The following PCDHGA1 variants were observed in gnomAD, a reference collection of about 807,000 sequenced individuals.
PCDHGA1 encodes the protein protocadherin gamma subfamily A, 1, also known as protocadherin gamma-A1.
PCDHGA1 carries 32 observed loss-of-function variants against 58.0 expected under a neutral mutation model. That is an observed-to-expected ratio of 0.55 (90% CI 0.42 to 0.74). The LOEUF (loss-of-function observed/expected upper bound fraction) is 0.74. PCDHGA1 is among the 30% of genes least tolerant of loss of function. The probability of loss-of-function intolerance (pLI) is 0.00; values close to 1 mark genes in which losing one functional copy is unlikely to be tolerated. For synonymous variants in PCDHGA1, 498 were observed against 501.1 expected, an observed-to-expected ratio of 0.99 and a Z score of 0.08; for missense variants, 1,205 against 1,182.3, an observed-to-expected ratio of 1.02 and a Z score of -0.28.
At chr5:141,352,354 C>T in intron 1 of PCDHGA1, 1 of 1,614,078 alleles carries the variant, frequency 6.2e-7, no homozygotes, top group Non-Finnish European at 8.5e-7. Flanking sequence ...TCTCAGTGCT[C>T]TTTCTCCTCG....
Position 141,332,168 on chromosome 5 carries a change from C to G in PCDHGA1, c.1484C>G (p.Thr495Ser). The change falls in exon 1 of 4, where the codon ACT becomes AGT. Residue 495 changes from threonine (T) to serine (S), a missense_variant. Thr to Ser is a moderately conservative substitution (Grantham distance 58, BLOSUM62 1). Transcript: ENST00000517417. The surrounding 1 kb of genome is among the most constrained non-coding windows in gnomAD (Gnocchi z 4.6). ...AQITYSLIEDTIQGAPLSAYL... is the reference protein window; with the variant it reads ...AQITYSLIEDSIQGAPLSAYL... ...ATCACTTACTCCCTAATAGAGGACA[C>G]TATCCAGGGGGCACCCCTATCTGCC... 6.2e-7 allele frequency: 1 copy of G among 1,614,230 alleles called. No individual in the cohort carries two copies. The highest frequency in any genetic ancestry group is 2.2e-5 in the East Asian group (1 of 44,880).
In PCDHGA1 at chr5:141,339,120, A is replaced by G. The variant is rs1321405080; in HGVS notation, c.2421+6015A>G. Reference sequence around the variant, plus strand: ...GGCTCCTTCGTAGGCAACATCGCCAAGGACTTGGGTTTGGAGCCCCTGGCA... The same window carrying G: ...GGCTCCTTCGTAGGCAACATCGCCAGGGACTTGGGTTTGGAGCCCCTGGCA... On this transcript the variant is annotated intron_variant, in intron 1 of 3. Transcript: ENST00000517417. 1 of 1,614,246 alleles carries G rather than the reference A, an allele frequency of 6.2e-7. No homozygotes were observed.
intron 1 of PCDHGA1, among the ~76,000 whole-genome samples, chr5:141,347,066 CCTTCCT>C (rs1561493179): frequency 1.3e-5 from 2 of 149,860 alleles, no homozygotes; most frequent in African/African-American, 4.9e-5. Flanking sequence ...TTCCTTCCTT[CCTTCCT>C]CTCTCTCTTT....
chr5:141,487,533 T>C lies in PCDHGA1; in HGVS notation c.2422-7274T>C. On this transcript the variant is annotated intron_variant, in intron 1 of 3. Coordinates refer to ENST00000517417, the MANE Select transcript of PCDHGA1 (RefSeq NM_018912.3). This position sits in a 1 kb window ranked among gnomAD's most constrained non-coding sequence, Gnocchi z 5.0. The stretch of plus-strand genomic sequence containing the variant: ...CCCACTCGGAGTGATAGCTTCATGA[T>C]GGTGAAGTCACCCAGTGCACCTATG... 6.2e-7 allele frequency: 1 copy of C among 1,614,186 alleles called. No individual in the cohort carries two copies. Among genetic ancestry groups the C allele is most frequent in the South Asian group, 1.1e-5 (1 of 91,080 alleles).
chr5:141,506,061 G>A (rs1260513343), intron 3 of PCDHGA1, among the ~76,000 whole-genome samples: 2 of 152,144 alleles, frequency 1.3e-5, no homozygotes, highest in Non-Finnish European at 2.9e-5. Flanking sequence ...GGTTGACTAA[G>A]GGCTTCCTTT....
chr5:141,430,750 G>A (rs746434313), intron 1 of PCDHGA1: 2 of 1,500,586 alleles, frequency 1.3e-6, no homozygotes, highest in Non-Finnish European at 1.8e-6. Context: ...AATTCTGGAG[G>A]AAGATAAGAA....
chr5:141,421,634 A>G (rs771759412), intron 1 of PCDHGA1: 12 of 1,613,714 alleles, frequency 7.4e-6, no homozygotes, highest in South Asian at 1.1e-5. Context: ...AGCTTCCAGG[A>G]GGACGAAGTG....
intron 1 of PCDHGA1, chr5:141,376,235 C>T: frequency 1.2e-6 from 2 of 1,614,198 alleles, no homozygotes; most frequent in Non-Finnish European, 1.7e-6. Flanking sequence ...CAGACTGCAG[C>T]GCTGGCACAA....
Position 141,487,390 on chromosome 5 carries a change from G to A in PCDHGA1, c.2422-7417G>A, listed in dbSNP as rs769886634. On this transcript the variant is annotated intron_variant, in intron 1 of 3. Coordinates refer to ENST00000517417, the MANE Select transcript of PCDHGA1 (RefSeq NM_018912.3). The surrounding 1 kb of genome is among the most constrained non-coding windows in gnomAD (Gnocchi z 5.0). The stretch of plus-strand genomic sequence containing the variant: ...GTGCCTGTCTCACCAGATCTCGAAG[G>A]AGGGAGGGGCTTCCCCCTTCCAATG... 1.2e-6 allele frequency: 2 copies of A among 1,614,182 alleles called. No homozygotes were observed. The highest frequency in any genetic ancestry group is 1.3e-5 in the African/African-American group (1 of 75,070).
At chr5:141,420,006 G>T in intron 1 of PCDHGA1, 1 of 1,614,052 alleles carries the variant, frequency 6.2e-7, no homozygotes, top group Non-Finnish European at 8.5e-7. Flanking sequence ...CTACGCCTGC[G>T]ACAGTCTTTC....
At chr5:141,417,345 A>G (rs937116752) in intron 1 of PCDHGA1, 3 of 153,022 alleles carry the variant, frequency 2.0e-5, no homozygotes, top group African/African-American at 7.2e-5. Flanking sequence ...GAGACCTATA[A>G]ACCTTCATGC....
intron 1 of PCDHGA1, among the ~76,000 whole-genome samples, chr5:141,381,832 T>C (rs1244036161): frequency 1.7e-4 from 23 of 135,134 alleles, no homozygotes; most frequent in African/African-American, 6.3e-4. Context: ...TCTTCTTTTT[T>C]TTTTTTTTTT....
intron 2 of PCDHGA1, among the ~76,000 whole-genome samples, chr5:141,500,793 A>G (rs1245472175): frequency 6.6e-6 from 1 of 152,210 alleles, no homozygotes; most frequent in Non-Finnish European, 1.5e-5. Context: ...ATTTTACAGA[A>G]TAAGTCCTCA....
chr5:141,476,483 G>T lies in PCDHGA1; in HGVS notation c.2422-18324G>T. On this transcript the variant is annotated intron_variant, in intron 1 of 3. Coordinates refer to ENST00000517417, the MANE Select transcript of PCDHGA1 (RefSeq NM_018912.3). The surrounding 1 kb of genome is among the most constrained non-coding windows in gnomAD (Gnocchi z 7.6). ...CCCGCTGGAGCTGTTCAGCGTGGAA[G>T]TGGTGATCCAGGACATCAACGACAA... 6.2e-7 allele frequency: 1 copy of T among 1,614,166 alleles called. No homozygotes were observed. The highest frequency in any genetic ancestry group is 8.5e-7 in the Non-Finnish European group (1 of 1,180,034).
At position 141,341,674 on chromosome 5, in the gene PCDHGA1, T is replaced by C. The variant is rs1009500231; in HGVS notation, c.2421+8569T>C. 1.3e-4 allele frequency: 77 copies of C among 601,466 alleles called. 1 individual carries two copies. The highest frequency in any genetic ancestry group is 1.2e-3 in the African/African-American group (63 of 54,000). 37.3% of individuals were successfully genotyped at this position (601,466 alleles called of 1,614,324 possible). A position where few individuals can be genotyped will look rare whatever the true frequency, so the allele number is the denominator to read the frequency against. The stretch of plus-strand genomic sequence containing the variant: ...AGGAACTAGGGTGTCTGGTTTCTTA[T>C]ACTTTCTTCTCCATCCCTGGGCAAA... On this transcript the variant is annotated intron_variant, in intron 1 of 3. Coordinates refer to ENST00000517417, the MANE Select transcript of PCDHGA1 (RefSeq NM_018912.3).
At chr5:141,474,044 T>A (rs1442885504) in intron 1 of PCDHGA1, among the ~76,000 whole-genome samples, 3 of 152,162 alleles carry the variant, frequency 2.0e-5, no homozygotes. Context: ...TACTCCAGCC[T>A]GGATGACAGA....
intron 1 of PCDHGA1, among the ~76,000 whole-genome samples, chr5:141,425,482 C>T (rs1257043728): frequency 6.6e-6 from 1 of 152,192 alleles, no homozygotes; most frequent in Non-Finnish European, 1.5e-5. Context: ...CCTATGGCAA[C>T]CTACTAGGCT....
At chr5:141,377,297 C>T (rs566234622) in intron 1 of PCDHGA1, 1 of 151,972 alleles carries the variant, frequency 6.6e-6, no homozygotes, top group Non-Finnish European at 1.5e-5. Context: ...TAATTTAGGT[C>T]AGTGTTAAAG....
rs1054850118 is a variant in PCDHGA1, at chr5:141,366,673, T to C, written c.2421+33568T>C. The C allele has an allele frequency of 6.2e-6, 10 of 1,614,120 alleles. No homozygotes were observed. The African/African-American group carries it at 1.3e-4, about 22-fold the overall frequency. The stretch of plus-strand genomic sequence containing the variant: ...CCAACTACGCAGACACGCTCCTTAG[T>C]GAAGAGAGCTGTGAGAAAAGCGAGC... On this transcript the variant is annotated intron_variant, in intron 1 of 3. Transcript: ENST00000517417.
Sources: gnomAD v4.1 joint callset for allele counts (sites outside exome capture counted in the v4.1 genomes callset) on GRCh38, gnomAD v4.1.1 for gene constraint, Gnocchi (gnomAD v3.1) non-coding constraint, MANE v1.5 for transcripts, NCBI Gene and HGNC (gene_info 2026-07-23, HGNC 2026-07-21) for gene names.